CNOT10: variants seen among roughly 807,000 people sequenced by gnomAD.
The protein encoded by CNOT10 is CCR4-NOT transcription complex, subunit 10.
Under a neutral mutation model 94.6 loss-of-function variants are expected in CNOT10, and 30 were observed. The observed-to-expected ratio is 0.32, with a 90% CI of 0.24 to 0.43. CNOT10 has a LOEUF of 0.43. Ranked by LOEUF, CNOT10 falls within the 20% of genes least tolerant of loss-of-function variation. CNOT10 has a pLI of 1.00. For synonymous variants in CNOT10, 289 were observed against 301.6 expected, an observed-to-expected ratio of 0.96 and a Z score of 0.43; for missense variants, 759 against 877.2, an observed-to-expected ratio of 0.87 and a Z score of 1.70.
chr3:32,698,913 G>A (rs985549481), intron 1 of CNOT10, among the ~76,000 whole-genome samples: 1 of 152,170 alleles, frequency 6.6e-6, no homozygotes, highest in Admixed American at 6.5e-5. Context: ...CGCCTCGCTT[G>A]TAGCTGGGAC....
At chr3:32,714,005 G>A (rs981420216) in intron 5 of CNOT10, among the ~76,000 whole-genome samples, 1 of 152,078 alleles carries the variant, frequency 6.6e-6, no homozygotes, top group African/African-American at 2.4e-5. Flanking sequence ...GTGGATATAT[G>A]TTTTCAGTTA....
chr3:32,721,058 T>TTGG, intron 8 of CNOT10, among the ~76,000 whole-genome samples: 1 of 86,308 alleles, frequency 1.2e-5, no homozygotes, highest in South Asian at 5.1e-4. Context: ...TTTCTTTCCT[T>TTGG]TCTTTTTTTT....
intron 11 of CNOT10, among the ~76,000 whole-genome samples, chr3:32,734,201 A>G (rs1699078476): frequency 1.3e-5 from 2 of 152,358 alleles, no homozygotes; most frequent in South Asian, 4.1e-4. Flanking sequence ...TTTTAAAACT[A>G]TTATGATAAA....
In CNOT10 at chr3:32,720,201, A is replaced by G. The variant is rs150688340; in HGVS notation, c.832A>G (p.Ile278Val). Residue 278 changes from isoleucine (I) to valine (V), a missense_variant, in exon 8 of 19, where the codon ATT (isoleucine) becomes GTT (valine). By Grantham distance (29) the Ile-to-Val change is conservative. Around this residue, in one of 3 missense-constraint regions of CNOT10, gnomAD observed 682 missense variants for 799.4 expected, o/e 0.85. Coordinates refer to ENST00000328834, the MANE Select transcript of CNOT10 (RefSeq NM_015442.3). ...CGTGAAGCTATTAAATAGTTCAAAC[A>G]TTGCTGAGCATCCAGGATTCATGAA... ...KAVKLLNSSN[I>V]AEHPGFMKTG... 2 of 1,526,276 alleles carry G rather than the reference A, an allele frequency of 1.3e-6. No homozygotes were observed. Among genetic ancestry groups the G allele is most frequent in the African/African-American group, 2.7e-5 (2 of 74,186 alleles). The allele number at this position is 1,526,276 out of a possible 1,614,324, so 94.5% of individuals were successfully genotyped here.
At chr3:32,741,104 C>T (rs111852855) in intron 13 of CNOT10, among the ~76,000 whole-genome samples, 11 of 152,210 alleles carry the variant, frequency 7.2e-5, no homozygotes, top group African/African-American at 1.4e-4. Context: ...CCCTTGGTTA[C>T]GACTAATCTC....
rs190275713 is a variant in CNOT10 at position 32,740,856 on chromosome 3, C to T, written c.1595+3366C>T. ...CAGCCTGGACGACAGAGCGAGACTC[C>T]GTCTTAAAAAAAAAAAAAAAAAAAA... On this transcript the variant is annotated intron_variant, in intron 13 of 18. Coordinates refer to ENST00000328834, the MANE Select transcript of CNOT10 (RefSeq NM_015442.3). 7.2e-3 allele frequency among the ~76,000 whole-genome samples: 949 copies of T among 131,460 alleles called. 3 individuals are homozygous for T. The highest frequency in any genetic ancestry group is 0.012 in the Non-Finnish European group (717 of 58,266). 86.2% of individuals were successfully genotyped at this position (131,460 alleles called of 152,430 possible).
intron 10 of CNOT10, among the ~76,000 whole-genome samples, chr3:32,729,760 CTTTTTT>C (rs10590243): frequency 9.8e-5 from 7 of 71,720 alleles, no homozygotes; most frequent in African/African-American, 2.2e-4. Flanking sequence ...ATTTATACTT[CTTTTTT>C]TTTTTTTTTT....
chr3:32,773,782 T>C lies in CNOT10; in HGVS notation c.*171T>C, dbSNP rs1701009915. Reference sequence around the variant, plus strand: ...TTAAAATTAAGGATTTACTAAGTCATCATCAGCTGTTTTTCTTAATTTCAG... The same window carrying C: ...TTAAAATTAAGGATTTACTAAGTCACCATCAGCTGTTTTTCTTAATTTCAG... On this transcript the variant is annotated 3_prime_UTR_variant, in exon 19 of 19. Transcript: ENST00000328834. 1 of 580,974 alleles carries C rather than the reference T, an allele frequency of 1.7e-6. No homozygotes were observed. The highest frequency in any genetic ancestry group is 3.7e-5 in the Admixed American group (1 of 27,014). The allele number at this position is 580,974 out of a possible 1,614,324, so 36.0% of individuals were successfully genotyped here. A position where few individuals can be genotyped will look rare whatever the true frequency, so the allele number is the denominator to read the frequency against.
At chr3:32,691,772 C>T (rs965883872) in intron 1 of CNOT10, among the ~76,000 whole-genome samples, 7 of 152,156 alleles carry the variant, frequency 4.6e-5, no homozygotes, top group Non-Finnish European at 7.3e-5. Flanking sequence ...AAATTTCCTG[C>T]CAGCCAGGCA....
At chr3:32,766,599 C>A (rs1700655711) in intron 17 of CNOT10, among the ~76,000 whole-genome samples, 1 of 125,772 alleles carries the variant, frequency 8.0e-6, no homozygotes, top group Non-Finnish European at 1.7e-5. Flanking sequence ...CGCCACTGCA[C>A]TCCAGCCCGG....
chr3:32,700,639 G>A (rs6809767), intron 1 of CNOT10, among the ~76,000 whole-genome samples: 150,232 of 152,322 alleles, frequency 0.99, 74,124 homozygotes, highest in East Asian at 1. Flanking sequence ...CCCATTTTGC[G>A]GATAGGTTCA....
intron 17 of CNOT10, among the ~76,000 whole-genome samples, chr3:32,768,764 T>G (rs997345577): frequency 1.3e-5 from 2 of 152,176 alleles, no homozygotes; most frequent in African/African-American, 4.8e-5. Flanking sequence ...AAGCACATGC[T>G]CTGGGCAACA....
intron 10 of CNOT10, among the ~76,000 whole-genome samples, chr3:32,732,099 G>T (rs375725470): frequency 1.3e-5 from 2 of 151,286 alleles, no homozygotes; most frequent in African/African-American, 4.9e-5. Context: ...ATAAATAAAA[G>T]ATTTTTTCTG....
chr3:32,764,442 C>T lies in CNOT10; in HGVS notation c.1841-13C>T, dbSNP rs764032153. On this transcript the variant is annotated splice_polypyrimidine_tract_variant and intron_variant, in intron 15 of 18. Coordinates refer to ENST00000328834, the MANE Select transcript of CNOT10 (RefSeq NM_015442.3). ...TTGTTCTGCCCCTCAGATTTATTTT[C>T]GTGTTTTTGTAGGATCAGACAAAGG... 5.0e-6 allele frequency: 8 copies of T among 1,612,934 alleles called. No individual in the cohort carries two copies. Among genetic ancestry groups the T allele is most frequent in the Non-Finnish European group, 6.8e-6 (8 of 1,179,598 alleles).
intron 1 of CNOT10, among the ~76,000 whole-genome samples, chr3:32,689,537 A>T (rs572029800): frequency 3.3e-4 from 51 of 152,262 alleles, no homozygotes; most frequent in African/African-American, 1.2e-3. Context: ...AAATGTACAG[A>T]ACCCTTGCTT....
At chr3:32,711,091 G>T (rs934541935) in intron 4 of CNOT10, among the ~76,000 whole-genome samples, 15 of 151,990 alleles carry the variant, frequency 9.9e-5, no homozygotes, top group Admixed American at 6.6e-4. Context: ...CACTGTTCTG[G>T]GTCTGGAGAT....
chr3:32,740,665 A>G (rs968116798), intron 13 of CNOT10, among the ~76,000 whole-genome samples: 2 of 151,914 alleles, frequency 1.3e-5, no homozygotes, highest in African/African-American at 4.8e-5. Context: ...GATCGAGACC[A>G]TCCTAGCTAA....
intron 10 of CNOT10, among the ~76,000 whole-genome samples, chr3:32,729,703 A>G (rs1698845655): frequency 6.6e-6 from 1 of 152,024 alleles, no homozygotes; most frequent in African/African-American, 2.4e-5. Context: ...TTTAAAAGAC[A>G]ACTTTCTTAT....
chr3:32,727,158 A>G (rs950932499), intron 9 of CNOT10, among the ~76,000 whole-genome samples: 1 of 151,936 alleles, frequency 6.6e-6, no homozygotes, highest in Non-Finnish European at 1.5e-5. Flanking sequence ...AATTTTAAAA[A>G]GTGGAAACTT....
Sources: allele counts gnomAD v4.1 joint callset (sites outside exome capture counted in the v4.1 genomes callset), GRCh38; gene constraint gnomAD v4.1.1; regional missense constraint gnomAD v4.1.1; transcripts MANE v1.5; gene names NCBI Gene and HGNC (gene_info 2026-07-23, HGNC 2026-07-21).